RIPOR2: variants seen among roughly 807,000 people sequenced by gnomAD.
RIPOR2 encodes the protein rho family-interacting cell polarization regulator 2.
In RIPOR2, 39 loss-of-function variants were observed where a neutral mutation model predicts 114.5. That is an observed-to-expected ratio of 0.34 (90% CI 0.26 to 0.44). The LOEUF (loss-of-function observed/expected upper bound fraction) is 0.44, where lower values mean the gene tolerates loss of function less well. Among genes scored for constraint, RIPOR2 ranks in the 20% least tolerant of loss-of-function variants. RIPOR2 has a pLI of 1.00. For synonymous variants in RIPOR2, 445 were observed against 484.4 expected (o/e 0.92, Z 1.07); for missense variants, 1,007 against 1,255.1 (o/e 0.80, Z 2.99).
In RIPOR2 at chr6:25,000,385, C is replaced by G. The variant is rs773806737; in HGVS notation, c.76+41466G>C. ...GACTGTACTGTCAGGTCTGTAAGGGCAGGGAGTGTATCCTGTGCACTGTTG... is the reference window on the plus strand; with the variant it reads ...GACTGTACTGTCAGGTCTGTAAGGGGAGGGAGTGTATCCTGTGCACTGTTG... On this transcript the variant is annotated intron_variant, in intron 1 of 13. Coordinates refer to the RIPOR2 transcript ENST00000510784. Among the ~76,000 whole-genome samples, 164 of 152,296 alleles carry G rather than the reference C, an allele frequency of 1.1e-3. 1 individual carries two copies. Among genetic ancestry groups the G allele is most frequent in the Middle Eastern group, 6.8e-3 (2 of 294 alleles).
Position 24,818,620 on chromosome 6 carries a change from C to G in RIPOR2, c.2874G>C (p.Leu958Phe). The G allele has an allele frequency of 1.3e-6, 2 of 1,547,196 alleles. No individual in the cohort carries two copies. The highest frequency in any genetic ancestry group is 1.7e-6 in the Non-Finnish European group (2 of 1,144,044). The change falls in exon 20 of 22, where the codon TTG becomes TTC. Residue 958 changes from leucine to phenylalanine, a missense_variant. Leu to Phe is a conservative substitution (Grantham distance 22). Coordinates refer to ENST00000643898, the MANE Select transcript of RIPOR2 (RefSeq NM_001286445.3). ...SKNQHFREKALLYYCEALTKT... is the reference protein window; with the variant it reads ...SKNQHFREKAFLYYCEALTKT... ...TTGTTAGTGCTTCACAGTAATAGAG[C>G]AAGGCCTGAAAGAGAAGGAGGGACC...
intron 21 of RIPOR2, 54 bp downstream of exon 21, chr6:24,809,663 C>T (rs914944998): frequency 2.9e-5 from 34 of 1,186,722 alleles, no homozygotes; most frequent in African/African-American, 1.8e-4. Flanking sequence ...TGGGAACATC[C>T]GTTAGAGAGT....
intron 21 of RIPOR2, among the ~76,000 whole-genome samples, chr6:24,807,930 T>C (rs1165407485): frequency 6.6e-6 from 1 of 152,136 alleles, no homozygotes; most frequent in Admixed American, 6.5e-5. Flanking sequence ...TGCCAGTATT[T>C]GTGTATTAGG....
chr6:24,876,238 C>T (rs576607893), intron 1 of RIPOR2, among the ~76,000 whole-genome samples: 5 of 151,674 alleles, frequency 3.3e-5, no homozygotes, highest in South Asian at 2.1e-4. Context: ...TGCAGTGAGC[C>T]GAGATCGCCC....
intron 1 of RIPOR2, among the ~76,000 whole-genome samples, chr6:24,989,032 A>G (rs1774664336): frequency 6.6e-6 from 1 of 152,126 alleles, no homozygotes; most frequent in Admixed American, 6.5e-5. Flanking sequence ...TTTCCTCTAC[A>G]CTGATTCTTG....
In RIPOR2 at chr6:24,954,455, C is replaced by CTTTTTTTTTTTTTTTTTTTTTTTTTTT. The variant is rs372356246; in HGVS notation, c.77-78639_77-78638insAAAAAAAAAAAAAAAAAAAAAAAAAAA. 5.2e-5 allele frequency among the ~76,000 whole-genome samples: 6 copies of CTTTTTTTTTTTTTTTTTTTTTTTTTTT among 116,252 alleles called. 3 individuals carry two copies. Among genetic ancestry groups the CTTTTTTTTTTTTTTTTTTTTTTTTTTT allele is most frequent in the Non-Finnish European group, 6.8e-5 (4 of 58,480 alleles). 76.3% of individuals were successfully genotyped at this position (116,252 alleles called of 152,430 possible). A position where few individuals can be genotyped will look rare whatever the true frequency, so the allele number is the denominator to read the frequency against. On this transcript the variant is annotated intron_variant, in intron 1 of 13. Coordinates refer to the RIPOR2 transcript ENST00000510784. Reference sequence around the variant, plus strand: ...AACTGTGCAGGCCCAGTCTCTCTCTCCTTTTTTTTTTTTTTTTTGAGACAG... The same window carrying CTTTTTTTTTTTTTTTTTTTTTTTTTTT: ...AACTGTGCAGGCCCAGTCTCTCTCTCTTTTTTTTTTTTTTTTTTTTTTTTTTTCTTTTTTTTTTTTTTTTTGAGACAG...
intron 5 of RIPOR2, among the ~76,000 whole-genome samples, chr6:24,870,011 A>G (rs368305082): frequency 7.2e-5 from 11 of 152,364 alleles, no homozygotes; most frequent in African/African-American, 2.2e-4. Flanking sequence ...TTGAAATAAA[A>G]TTATTGTGCA....
rs556152382 is a variant in RIPOR2, at chr6:24,949,220, G to T, written c.77-73403C>A. On this transcript the variant is annotated intron_variant, in intron 1 of 13. Transcript: ENST00000510784. ...GTGTAGACCAAGGAAAATGCTGGGG[G>T]CCAGAGGAGGAGAAAGCAAGAAGAT... Among the ~76,000 whole-genome samples, 4 of 152,190 alleles carry T rather than the reference G, an allele frequency of 2.6e-5. No individual in the cohort carries two copies. The South Asian group carries it at 8.3e-4, about 32-fold the overall frequency.
At chr6:24,864,160 C>T (rs1423674897) in intron 7 of RIPOR2, among the ~76,000 whole-genome samples, 17 of 152,080 alleles carry the variant, frequency 1.1e-4, no homozygotes, top group African/African-American at 3.1e-4. Flanking sequence ...AAAAATTAGC[C>T]GGGTGTGGTG....
In RIPOR2 at chr6:24,840,457, G is replaced by A. The variant is rs892204506; in HGVS notation, c.1858-1185C>T. ...GCAGAAACATTACAAGCAAAACAAT[G>A]CCAGTTGCTATGGGCACAGAGTTGG... On this transcript the variant is annotated intron_variant, in intron 13 of 21. Transcript: ENST00000643898. 1.7e-5 allele frequency: 23 copies of A among 1,320,860 alleles called. No individual in the cohort carries two copies. In the African/African-American group the frequency reaches 3.3e-4, roughly 19 times the overall value. 81.8% of individuals were successfully genotyped at this position (1,320,860 alleles called of 1,614,324 possible).
At chr6:25,019,035 A>C (rs1776162288) in intron 1 of RIPOR2, among the ~76,000 whole-genome samples, 1 of 152,224 alleles carries the variant, frequency 6.6e-6, no homozygotes, top group Admixed American at 6.5e-5. Context: ...ACAGAAAAGA[A>C]AGAACAAATA....
intron 4 of RIPOR2, among the ~76,000 whole-genome samples, chr6:24,872,245 GA>G (rs1765250288): frequency 6.6e-6 from 1 of 152,152 alleles, no homozygotes; most frequent in Non-Finnish European, 1.5e-5. Context: ...ATATGTACTT[GA>G]TCTGGTCTAA....
intron 1 of RIPOR2, among the ~76,000 whole-genome samples, chr6:24,989,049 A>G (rs1774665650): frequency 6.6e-6 from 1 of 152,132 alleles, no homozygotes; most frequent in African/African-American, 2.4e-5. Context: ...CTTGAACCCT[A>G]CATCTTCATC....
At position 24,832,642 on chromosome 6, in the gene RIPOR2, T is replaced by C. The variant is rs1760777290; in HGVS notation, c.2209-251A>G. 2.0e-5 allele frequency among the ~76,000 whole-genome samples: 3 copies of C among 152,234 alleles called. No individual in the cohort carries two copies. The East Asian group carries it at 5.8e-4, about 29-fold the overall frequency. On this transcript the variant is annotated intron_variant, in intron 15 of 21. Coordinates refer to ENST00000643898, the MANE Select transcript of RIPOR2 (RefSeq NM_001286445.3). ...TTTCTCAGTAGTAGGTCTACAAGGT[T>C]ATTATAAAGCTGCTTTCCCTTTTAT...
At chr6:24,823,862 T>TG (rs1158459292) in intron 19 of RIPOR2, among the ~76,000 whole-genome samples, 1 of 152,190 alleles carries the variant, frequency 6.6e-6, no homozygotes, top group African/African-American at 2.4e-5. Flanking sequence ...GTTCAAGTCA[T>TG]TCTCCTGCCT....
chr6:24,812,357 A>C lies in RIPOR2; in HGVS notation c.2953-2550T>G, dbSNP rs1246539234. On this transcript the variant is annotated intron_variant, in intron 20 of 21. Transcript: ENST00000643898. ...CCAGCACCTGTTTCCTGACTTTTTAATGATTGCCATTCTAACTGGTGTGAG... is the reference window on the plus strand; with the variant it reads ...CCAGCACCTGTTTCCTGACTTTTTACTGATTGCCATTCTAACTGGTGTGAG... Among the ~76,000 whole-genome samples, 3 of 51,646 alleles carry C rather than the reference A, an allele frequency of 5.8e-5. 1 individual carries two copies. The highest frequency in any genetic ancestry group is 1.1e-4 in the African/African-American group (3 of 26,162). 33.9% of individuals were successfully genotyped at this position (51,646 alleles called of 152,430 possible). A position where few individuals can be genotyped will look rare whatever the true frequency, so the allele number is the denominator to read the frequency against.
At chr6:24,840,609 G>C in intron 13 of RIPOR2, 1 of 1,514,332 alleles carries the variant, frequency 6.6e-7, no homozygotes, top group Non-Finnish European at 8.8e-7. Context: ...CTTAGCGCAA[G>C]GTAGGAAGGG....
chr6:24,847,505 A>C, intron 12 of RIPOR2: 1 of 1,540,886 alleles, frequency 6.5e-7, no homozygotes, highest in Non-Finnish European at 8.8e-7. Context: ...CAAGCCCCAG[A>C]AGTCAAGCAC....
At chr6:24,957,717 ACAAAAAAATTAGCTGGG>A (rs879847968) in intron 1 of RIPOR2, among the ~76,000 whole-genome samples, 2,090 of 152,302 alleles carry the variant, frequency 0.014, 33 homozygotes, top group African/African-American at 0.039. Flanking sequence ...ACTGAAAAAT[ACAAAAAAATTAGCTGGG>A]CATGGTGGCA....
Sources: gnomAD v4.1 joint callset for allele counts (sites outside exome capture counted in the v4.1 genomes callset) on GRCh38, gnomAD v4.1.1 for gene constraint, MANE v1.5 for transcripts, NCBI Gene and HGNC (gene_info 2026-07-23, HGNC 2026-07-21) for gene names.